JAM3: variants seen among roughly 807,000 people sequenced by gnomAD.
JAM3 encodes the protein junctional adhesion molecule C.
A neutral mutation model predicts 39.4 loss-of-function variants in JAM3; 31 were observed. The observed-to-expected ratio is 0.79, with a 90% CI of 0.59 to 1.06. The LOEUF is 1.06. JAM3 is among the 50% of genes least tolerant of loss of function. The pLI is 0.00. For missense variants in JAM3, 455 were observed against 391.4 expected, an observed-to-expected ratio of 1.16 and a Z score of -1.37; for synonymous variants, 182 against 148.7, an observed-to-expected ratio of 1.22 and a Z score of -1.63.
rs752165082 is a variant in JAM3, at chr11:134,140,688, G to A, written c.174G>A (p.Ser58=). The change falls in exon 3 of 9, where the codon TCG becomes TCA. Residue 58 remains serine (S), a synonymous_variant. Coordinates refer to ENST00000299106, the MANE Select transcript of JAM3 (RefSeq NM_032801.5). Reference sequence around the variant, plus strand: ...AACTGTCTTGCATCATTACGGATTCGCAGACAAGTGACCCCAGGATCGAGT... The same window carrying A: ...AACTGTCTTGCATCATTACGGATTCACAGACAAGTGACCCCAGGATCGAGT... ...SVELSCIITD[S]QTSDPRIEWK... is the part of the protein sequence containing the mutation. 20 of 1,613,020 alleles carry A rather than the reference G, an allele frequency of 1.2e-5. No homozygotes were observed. In the African/African-American group the frequency reaches 2.1e-4, roughly 17 times the overall value.
At chr11:134,112,332 CCTGT>C (rs1376870810) in intron 1 of JAM3, among the ~76,000 whole-genome samples, 18 of 152,238 alleles carry the variant, frequency 1.2e-4, no homozygotes, top group African/African-American at 3.6e-4. Flanking sequence ...AGGTGATCCA[CCTGT>C]CTCAGCCTCC....
chr11:134,121,767 A>G (rs554261791), intron 1 of JAM3, among the ~76,000 whole-genome samples: 3 of 151,748 alleles, frequency 2.0e-5, no homozygotes, highest in Non-Finnish European at 4.4e-5. Flanking sequence ...CAGGAATGTA[A>G]TTTTCCTAAC....
intron 1 of JAM3, among the ~76,000 whole-genome samples, chr11:134,127,093 G>A (rs1202512325): frequency 6.6e-6 from 1 of 152,200 alleles, no homozygotes; most frequent in Non-Finnish European, 1.5e-5. Flanking sequence ...TTAATCTCTT[G>A]CATGAAGTCA....
At chr11:134,093,696 C>T (rs1357527059) in intron 1 of JAM3, among the ~76,000 whole-genome samples, 2 of 117,372 alleles carry the variant, frequency 1.7e-5, no homozygotes, top group African/African-American at 3.3e-5. Flanking sequence ...TCATGTTCCA[C>T]CTTACATGTC....
Position 134,069,121 on chromosome 11 carries a change from C to T in JAM3, c.38C>T (p.Ala13Val). ...LRRPPRLRLC[A>V]RLPDFFLLLL... ...CGGCCACCGCGACTCCGGCTCTGCG[C>T]TCGGCTGCCTGACTTCTTCCTGCTG... is the stretch of plus-strand genomic sequence containing the variant. The change falls in exon 1 of 9, where the codon GCT becomes GTT. Residue 13 changes from alanine to valine, a missense_variant. Physicochemically the swap from Ala to Val is moderately conservative, Grantham distance 64. Coordinates refer to ENST00000299106, the MANE Select transcript of JAM3 (RefSeq NM_032801.5). 6.2e-7 allele frequency: 1 copy of T among 1,612,754 alleles called. No individual in the cohort carries two copies. The highest frequency in any genetic ancestry group is 8.5e-7 in the Non-Finnish European group (1 of 1,179,406).
intron 1 of JAM3, among the ~76,000 whole-genome samples, chr11:134,087,479 A>G (rs920435148): frequency 6.6e-6 from 1 of 152,220 alleles, no homozygotes; most frequent in African/African-American, 2.4e-5. Context: ...TAGAATCTGG[A>G]AGAATTTATT....
At chr11:134,077,498 G>A (rs765935420) in intron 1 of JAM3, among the ~76,000 whole-genome samples, 3 of 151,480 alleles carry the variant, frequency 2.0e-5, no homozygotes, top group Non-Finnish European at 2.9e-5. Context: ...CGAGTAGCTG[G>A]GGTTACAGGA....
At chr11:134,136,194 T>A (rs867440452) in intron 1 of JAM3, among the ~76,000 whole-genome samples, 6 of 152,218 alleles carry the variant, frequency 3.9e-5, no homozygotes, top group Non-Finnish European at 7.3e-5. Context: ...TTTTCCTTTT[T>A]CCGCCTTCCA....
At chr11:134,088,555 G>C (rs1286046603) in intron 1 of JAM3, among the ~76,000 whole-genome samples, 1 of 152,100 alleles carries the variant, frequency 6.6e-6, no homozygotes, top group Non-Finnish European at 1.5e-5. Context: ...ATATACTTAA[G>C]TTGTACAACC....
intron 1 of JAM3, among the ~76,000 whole-genome samples, chr11:134,103,388 G>A (rs1349037018): frequency 6.6e-6 from 1 of 152,148 alleles, no homozygotes; most frequent in Non-Finnish European, 1.5e-5. Context: ...GGAACAACCA[G>A]TACCAGCCAC....
At chr11:134,070,270 CAT>C in intron 1 of JAM3, 40 of 454,968 alleles carry the variant, frequency 8.8e-5, no homozygotes, top group South Asian at 6.1e-4. Flanking sequence ...CCCTGGCAGC[CAT>C]CCGCAGGTAA....
intron 1 of JAM3, among the ~76,000 whole-genome samples, chr11:134,087,233 T>C (rs1486458835): frequency 6.6e-6 from 1 of 151,168 alleles, no homozygotes; most frequent in Non-Finnish European, 1.5e-5. Context: ...ACACACACAC[T>C]TTTTTTGCAT....
intron 1 of JAM3, among the ~76,000 whole-genome samples, chr11:134,084,267 G>A (rs1300752704): frequency 1.3e-5 from 2 of 152,118 alleles, no homozygotes; most frequent in Non-Finnish European, 2.9e-5. Flanking sequence ...CCTTTTTAAT[G>A]GATCTCTTCA....
chr11:134,124,178 A>C, intron 1 of JAM3: 2 of 1,463,042 alleles, frequency 1.4e-6, no homozygotes, highest in Non-Finnish European at 1.9e-6. Flanking sequence ...GAGCTTTATC[A>C]TACGTAGCAT....
At chr11:134,123,385 C>T (rs904300110) in intron 1 of JAM3, among the ~76,000 whole-genome samples, 9 of 152,118 alleles carry the variant, frequency 5.9e-5, no homozygotes, top group African/African-American at 2.2e-4. Flanking sequence ...CCACCCCCCC[C>T]CCCCCAAAAA....
At chr11:134,123,133 A>G (rs1235889793) in intron 1 of JAM3, among the ~76,000 whole-genome samples, 3 of 152,252 alleles carry the variant, frequency 2.0e-5, no homozygotes, top group Non-Finnish European at 2.9e-5. Flanking sequence ...AGAAGCTAAC[A>G]TGAACACCCT....
chr11:134,139,090 A>G (rs910998596), intron 1 of JAM3, among the ~76,000 whole-genome samples: 5 of 152,210 alleles, frequency 3.3e-5, no homozygotes, highest in Admixed American at 6.5e-5. Flanking sequence ...TAGGTAGTCC[A>G]TGTACCTACT....
At chr11:134,116,443 G>A (rs899550230) in intron 1 of JAM3, among the ~76,000 whole-genome samples, 2 of 152,026 alleles carry the variant, frequency 1.3e-5, no homozygotes, top group Admixed American at 1.3e-4. Flanking sequence ...GTGGATTTAT[G>A]GGTATTGTAT....
At chr11:134,129,518 T>G (rs1229956747) in intron 1 of JAM3, among the ~76,000 whole-genome samples, 1 of 152,160 alleles carries the variant, frequency 6.6e-6, no homozygotes, top group African/African-American at 2.4e-5. Flanking sequence ...AGCCTTTAAA[T>G]TTGAAACTTG....
Sources: allele counts gnomAD v4.1 joint callset (sites outside exome capture counted in the v4.1 genomes callset), GRCh38; gene constraint gnomAD v4.1.1; transcripts MANE v1.5; gene names NCBI Gene and HGNC (gene_info 2026-07-23, HGNC 2026-07-21).